The following ZNF804A variants were observed in gnomAD, a reference collection of about 807,000 sequenced individuals.
ZNF804A encodes zinc finger protein 804A.
ZNF804A carries 2 observed loss-of-function variants against 16.5 expected under a neutral mutation model. That is an observed-to-expected ratio of 0.12 (90% CI 0.05 to 0.38). ZNF804A has a LOEUF of 0.38. Ranked by LOEUF, ZNF804A falls within the 10% of genes least tolerant of loss-of-function variation. The pLI is 0.99. For missense variants in ZNF804A, 1,473 were observed against 1,390.7 expected (o/e 1.06, Z -0.94); for synonymous variants, 534 against 489.6 (o/e 1.09, Z -1.20).
chr2:184,880,535 CATCA>C (rs754495655), intron 2 of ZNF804A, among the ~76,000 whole-genome samples: 5 of 152,012 alleles, frequency 3.3e-5, no homozygotes, highest in African/African-American at 7.2e-5. Context: ...AACCTAGTAT[CATCA>C]ATTCTTCATT....
chr2:184,906,236 C>A (rs1268173296), intron 2 of ZNF804A, among the ~76,000 whole-genome samples: 1 of 152,090 alleles, frequency 6.6e-6, no homozygotes, highest in Non-Finnish European at 1.5e-5. Flanking sequence ...ATAATCTAAG[C>A]ATTTGAACAC....
chr2:184,867,469 G>A (rs1227386889), intron 2 of ZNF804A, among the ~76,000 whole-genome samples: 1 of 152,042 alleles, frequency 6.6e-6, no homozygotes, highest in Non-Finnish European at 1.5e-5. Flanking sequence ...AACCAATTGT[G>A]TGTACTTCCT....
chr2:184,651,327 A>T (rs948258351), intron 1 of ZNF804A, among the ~76,000 whole-genome samples: 1 of 152,150 alleles, frequency 6.6e-6, no homozygotes, highest in African/African-American at 2.4e-5. Context: ...AAGACCTCAA[A>T]TTTTAAGAAG....
chr2:184,854,903 A>G (rs552890133), intron 1 of ZNF804A, among the ~76,000 whole-genome samples: 1 of 152,208 alleles, frequency 6.6e-6, no homozygotes, highest in East Asian at 1.9e-4. Flanking sequence ...AAATGTGAAT[A>G]TTCAACAGAA....
intron 1 of ZNF804A, among the ~76,000 whole-genome samples, chr2:184,649,652 C>T (rs1691947681): frequency 1.3e-5 from 2 of 152,076 alleles, no homozygotes; most frequent in East Asian, 1.9e-4. Flanking sequence ...CCCCTATACA[C>T]ACAAACTAGA....
At chr2:184,905,367 TGAC>T (rs1484996929) in intron 2 of ZNF804A, among the ~76,000 whole-genome samples, 3 of 152,150 alleles carry the variant, frequency 2.0e-5, no homozygotes, top group Non-Finnish European at 4.4e-5. Context: ...TGGTCCTTCC[TGAC>T]AAGAAATTTC....
intron 1 of ZNF804A, among the ~76,000 whole-genome samples, chr2:184,642,433 C>G (rs1342667689): frequency 6.6e-6 from 1 of 152,000 alleles, no homozygotes. Flanking sequence ...AAGTATTGTT[C>G]TCCAAAACAG....
intron 1 of ZNF804A, among the ~76,000 whole-genome samples, chr2:184,620,844 G>A (rs538211368): frequency 4.0e-5 from 6 of 151,460 alleles, no homozygotes; most frequent in Admixed American, 6.6e-5. Flanking sequence ...ACATCCTATC[G>A]ATATTTTTAT....
chr2:184,628,035 C>T (rs1345314034), intron 1 of ZNF804A, among the ~76,000 whole-genome samples: 1 of 152,162 alleles, frequency 6.6e-6, no homozygotes, highest in African/African-American at 2.4e-5. Context: ...AAGAATATGG[C>T]CGGGCTCAGT....
intron 2 of ZNF804A, chr2:184,902,658 A>C (rs904826719): frequency 6.6e-6 from 1 of 152,102 alleles, no homozygotes. Context: ...ACAATAAAAA[A>C]TTTTTAAAGA....
At chr2:184,913,704 T>G (rs953900430) in intron 2 of ZNF804A, among the ~76,000 whole-genome samples, 7 of 152,180 alleles carry the variant, frequency 4.6e-5, no homozygotes, top group African/African-American at 1.7e-4. Flanking sequence ...TTCTGATAGT[T>G]TTTGATTCTT....
chr2:184,752,733 C>A (rs138735303), intron 1 of ZNF804A, among the ~76,000 whole-genome samples: 123 of 151,516 alleles, frequency 8.1e-4, no homozygotes, highest in Non-Finnish European at 1.5e-3. Context: ...AAATATATAA[C>A]GTTTAATATT....
At chr2:184,893,120 A>G (rs920655937) in intron 2 of ZNF804A, among the ~76,000 whole-genome samples, 1 of 152,142 alleles carries the variant, frequency 6.6e-6, no homozygotes, top group Non-Finnish European at 1.5e-5. Flanking sequence ...TCAATTTAAT[A>G]TATAAAACAT....
At chr2:184,910,450 C>A (rs893269523) in intron 2 of ZNF804A, among the ~76,000 whole-genome samples, 1 of 151,930 alleles carries the variant, frequency 6.6e-6, no homozygotes, top group African/African-American at 2.4e-5. Context: ...ATGCATGTGT[C>A]TTTATCGTAG....
chr2:184,909,739 G>A (rs1322344093), intron 2 of ZNF804A, among the ~76,000 whole-genome samples: 9 of 151,602 alleles, frequency 5.9e-5, no homozygotes, highest in Admixed American at 5.9e-4. Flanking sequence ...TTTGTCTGCA[G>A]GGTCTGAATA....
intron 2 of ZNF804A, among the ~76,000 whole-genome samples, chr2:184,907,754 C>T (rs1303716548): frequency 6.6e-6 from 1 of 152,046 alleles, no homozygotes; most frequent in African/African-American, 2.4e-5. Context: ...TTAAAGGTTA[C>T]ATCATTTAAA....
chr2:184,798,997 T>C (rs1185307146), intron 1 of ZNF804A, among the ~76,000 whole-genome samples: 1 of 152,066 alleles, frequency 6.6e-6, no homozygotes, highest in Non-Finnish European at 1.5e-5. Context: ...ATGATTGCTG[T>C]CTCTGTTCTC....
chr2:184,890,396 C>T (rs183498007), intron 2 of ZNF804A, among the ~76,000 whole-genome samples: 1 of 152,162 alleles, frequency 6.6e-6, no homozygotes, highest in Admixed American at 6.5e-5. Flanking sequence ...TGTTGCAGTC[C>T]AAATGTAATT....
intron 1 of ZNF804A, among the ~76,000 whole-genome samples, chr2:184,787,790 C>T (rs746808932): frequency 2.7e-5 from 4 of 150,350 alleles, no homozygotes; most frequent in Non-Finnish European, 4.4e-5. Flanking sequence ...TATTTTCTCC[C>T]ATTCTGTAGG....
Sources: allele counts gnomAD v4.1 joint callset (sites outside exome capture counted in the v4.1 genomes callset), GRCh38; gene constraint gnomAD v4.1.1; transcripts MANE v1.5; gene names NCBI Gene and HGNC (gene_info 2026-07-23, HGNC 2026-07-21).